Variants in FAT3 observed in about 807,000 individuals in gnomAD.
The protein encoded by FAT3 is protocadherin Fat 3.
A neutral mutation model predicts 310.2 loss-of-function variants in FAT3; 95 were observed. The ratio of observed to expected loss-of-function variants is 0.31; its 90% confidence interval spans 0.26 to 0.36. FAT3 has a LOEUF of 0.36. Ranked by LOEUF, FAT3 falls within the 10% of genes least tolerant of loss-of-function variation. FAT3 has a pLI of 1.00. For synonymous variants in FAT3, 2,314 were observed against 2,192.9 expected (o/e 1.06, Z -1.54); for missense variants, 5,408 against 5,715.6 (o/e 0.95, Z 1.74).
chr11:92,876,329 G>A (rs866334609), intron 22 of FAT3, among the ~76,000 whole-genome samples: 5 of 152,166 alleles, frequency 3.3e-5, no homozygotes, highest in African/African-American at 4.8e-5. Context: ...ACAAAGAAGC[G>A]TTTTTCCCAA....
intron 2 of FAT3, among the ~76,000 whole-genome samples, chr11:92,409,992 A>G (rs1252722859): frequency 6.6e-6 from 1 of 152,208 alleles, no homozygotes; most frequent in Non-Finnish European, 1.5e-5. Flanking sequence ...GTAAATAAGA[A>G]GTATACATTG....
At chr11:92,568,435 T>C (rs1955552823) in intron 3 of FAT3, among the ~76,000 whole-genome samples, 2 of 152,130 alleles carry the variant, frequency 1.3e-5, no homozygotes, top group African/African-American at 4.8e-5. Context: ...GTATAACTTA[T>C]AGTGAGGAAA....
chr11:92,463,212 T>TA (rs1951678115), intron 2 of FAT3, among the ~76,000 whole-genome samples: 1 of 152,238 alleles, frequency 6.6e-6, no homozygotes, highest in Non-Finnish European at 1.5e-5. Context: ...CCAATTTATA[T>TA]CATGTTCCTT....
chr11:92,572,443 A>G (rs933257056), intron 3 of FAT3, among the ~76,000 whole-genome samples: 1 of 152,164 alleles, frequency 6.6e-6, no homozygotes, highest in Admixed American at 6.6e-5. Context: ...CCCACACACT[A>G]AATGTCAAGG....
chr11:92,744,988 T>A (rs1945615455), intron 4 of FAT3, among the ~76,000 whole-genome samples: 1 of 152,186 alleles, frequency 6.6e-6, no homozygotes, highest in Non-Finnish European at 1.5e-5. Flanking sequence ...AGCTAGTAAT[T>A]AGAGCCGTGT....
At chr11:92,453,927 G>GT (rs1374847473) in intron 2 of FAT3, among the ~76,000 whole-genome samples, 1 of 151,870 alleles carries the variant, frequency 6.6e-6, no homozygotes, top group South Asian at 2.1e-4. Flanking sequence ...TCTTTTATTT[G>GT]TTTTTTTGTT....
chr11:92,880,693 G>C (rs781564209), intron 22 of FAT3, 38 bp from the exon 23 acceptor site: 3 of 1,598,074 alleles, frequency 1.9e-6, no homozygotes, highest in Admixed American at 3.5e-5. Flanking sequence ...AGCCCTAGCA[G>C]TGGCATCCAT....
Position 92,801,262 on chromosome 11 carries a change from A to C in FAT3, c.8249A>C (p.Asn2750Thr). The C allele has an allele frequency of 6.2e-7, 1 of 1,613,924 alleles. No homozygotes were observed. Among genetic ancestry groups the C allele is most frequent in the Non-Finnish European group, 8.5e-7 (1 of 1,179,874 alleles). The change falls in exon 10 of 28, where the codon AAT (asparagine) becomes ACT (threonine). Residue 2750 changes from asparagine to threonine, a missense_variant. By Grantham distance (65) the Asn-to-Thr change is moderately conservative (BLOSUM62 0). Coordinates refer to ENST00000525166, the MANE Select transcript of FAT3 (RefSeq NM_001367949.2). ...ACAGTTAATGGGGAACGGCCAGAAA[A>C]TAACAAAGGGGGCATATTCGTCATA... ...FSTVNGERPE[N>T]NKGGIFVIEQ...
chr11:92,399,995 G>A (rs1488484414), intron 2 of FAT3, among the ~76,000 whole-genome samples: 2 of 152,256 alleles, frequency 1.3e-5, no homozygotes, highest in East Asian at 3.9e-4. Flanking sequence ...GTGGGCTTGG[G>A]ATGTATATAT....
chr11:92,313,794 G>T (rs1307077118), intron 1 of FAT3, among the ~76,000 whole-genome samples: 2 of 152,216 alleles, frequency 1.3e-5, no homozygotes, highest in African/African-American at 2.4e-5. Flanking sequence ...TCCTGACCTA[G>T]TGATCTGCCG....
intron 4 of FAT3, among the ~76,000 whole-genome samples, chr11:92,758,637 G>A (rs1214660349): frequency 1.3e-5 from 2 of 152,156 alleles, no homozygotes; most frequent in African/African-American, 2.4e-5. Flanking sequence ...GCAAATCAGC[G>A]ACATGATCAG....
intron 2 of FAT3, among the ~76,000 whole-genome samples, chr11:92,479,760 G>A (rs1429199397): frequency 1.3e-5 from 2 of 152,150 alleles, no homozygotes; most frequent in Admixed American, 6.5e-5. Flanking sequence ...GAACTACAAA[G>A]CTGGCCTTTC....
chr11:92,510,759 G>A (rs965793922), intron 2 of FAT3, among the ~76,000 whole-genome samples: 8 of 152,300 alleles, frequency 5.3e-5, no homozygotes, highest in African/African-American at 1.9e-4. Context: ...GAAGCCCTTT[G>A]CCTTAATCTT....
At chr11:92,719,795 A>G (rs924473774) in intron 4 of FAT3, among the ~76,000 whole-genome samples, 2 of 144,298 alleles carry the variant, frequency 1.4e-5, no homozygotes, top group Admixed American at 7.0e-5. Context: ...AATCTCCACA[A>G]ACTTTCTTTG....
intron 3 of FAT3, among the ~76,000 whole-genome samples, chr11:92,592,523 T>C (rs1939487112): frequency 6.6e-6 from 1 of 152,020 alleles, no homozygotes; most frequent in East Asian, 1.9e-4. Context: ...GATTTCACCG[T>C]GTTGGTCAGG....
At chr11:92,617,429 C>G (rs1940864832) in intron 3 of FAT3, among the ~76,000 whole-genome samples, 1 of 152,154 alleles carries the variant, frequency 6.6e-6, no homozygotes, top group African/African-American at 2.4e-5. Flanking sequence ...CGAACTTCCC[C>G]CTTTAGCTTG....
At chr11:92,595,255 A>G (rs574597234) in intron 3 of FAT3, among the ~76,000 whole-genome samples, 1 of 152,198 alleles carries the variant, frequency 6.6e-6, no homozygotes, top group Non-Finnish European at 1.5e-5. Flanking sequence ...TGAAGCAAGT[A>G]TGGAGGAGGA....
chr11:92,352,342 G>T lies in FAT3; in HGVS notation c.230G>T (p.Trp77Leu), dbSNP rs573991535. Residue 77 changes from tryptophan to leucine, a missense_variant, in exon 2 of 28, where the codon TGG (tryptophan) becomes TTG (leucine). Physicochemically the swap from Trp to Leu is moderately conservative, Grantham distance 61 (BLOSUM62 -2). This residue lies in a region of FAT3 where 152 missense variants were observed against 188.3 expected (regional missense o/e 0.81). Coordinates refer to ENST00000525166, the MANE Select transcript of FAT3 (RefSeq NM_001367949.2). ...GGCATCACCTTAATAGATCTATCCT[G>T]GGATATCAAATACAGAATAGTGTCC... ...RMGITLIDLS[W>L]DIKYRIVSGD... The T allele has an allele frequency of 6.3e-7, 1 of 1,583,188 alleles. No individual in the cohort carries two copies. The highest frequency in any genetic ancestry group is 8.6e-7 in the Non-Finnish European group (1 of 1,161,038).
At chr11:92,275,766 T>G (rs1021600422) in intron 1 of FAT3, among the ~76,000 whole-genome samples, 2 of 152,164 alleles carry the variant, frequency 1.3e-5, no homozygotes, top group Non-Finnish European at 2.9e-5. Context: ...TTCATTTGGA[T>G]GATAATGATT....
Sources: gnomAD v4.1 joint callset for allele counts (sites outside exome capture counted in the v4.1 genomes callset) on GRCh38, gnomAD v4.1.1 for gene constraint, gnomAD v4.1.1 regional missense constraint, MANE v1.5 for transcripts, NCBI Gene and HGNC (gene_info 2026-07-23, HGNC 2026-07-21) for gene names.